TENM4: variants seen among roughly 807,000 people sequenced by gnomAD.
TENM4 encodes the protein teneurin-4.
A neutral mutation model predicts 243.3 loss-of-function variants in TENM4; 82 were observed. The ratio of observed to expected loss-of-function variants is 0.34; its 90% CI spans 0.28 to 0.40. The LOEUF (loss-of-function observed/expected upper bound fraction) is 0.40, where lower values mean the gene tolerates loss of function less well. Ranked by LOEUF, TENM4 falls within the 10% of genes least tolerant of loss-of-function variation. TENM4 has a pLI of 1.00. For missense variants in TENM4, 3,138 were observed against 3,673.3 expected (o/e 0.85, Z 3.77); for synonymous variants, 1,412 against 1,456.3 (o/e 0.97, Z 0.69).
chr11:79,227,035 C>T lies in TENM4; in HGVS notation c.-264-11126G>A, dbSNP rs141233387. Among the ~76,000 whole-genome samples, 961 of 152,312 alleles carry T rather than the reference C, an allele frequency of 6.3e-3. 11 individuals carry two copies. The highest frequency in any genetic ancestry group is 0.022 in the African/African-American group (929 of 41,564). Reference sequence around the variant, plus strand: ...TTTCTCAGGTTCCCTTGCTGACTGGCTTCCGGGTAGGTTGGGCTAAAGAAA... The same window carrying T: ...TTTCTCAGGTTCCCTTGCTGACTGGTTTCCGGGTAGGTTGGGCTAAAGAAA... On this transcript the variant is annotated intron_variant, in intron 2 of 33. Transcript: ENST00000278550.
chr11:78,741,694 C>G (rs1216795290), intron 19 of TENM4, among the ~76,000 whole-genome samples: 1 of 152,192 alleles, frequency 6.6e-6, no homozygotes, highest in African/African-American at 2.4e-5. Context: ...CTGGTTCAAG[C>G]TGGCTTCTGC....
At chr11:79,043,163 C>T (rs1859579580) in intron 6 of TENM4, among the ~76,000 whole-genome samples, 1 of 152,222 alleles carries the variant, frequency 6.6e-6, no homozygotes, top group Non-Finnish European at 1.5e-5. Context: ...TTGTTGGATT[C>T]CCTCAGCTGT....
At chr11:79,083,288 A>G (rs1860724131) in intron 4 of TENM4, among the ~76,000 whole-genome samples, 1 of 152,216 alleles carries the variant, frequency 6.6e-6, no homozygotes, top group African/African-American at 2.4e-5. Flanking sequence ...GCCTCCGTGC[A>G]TTCTGTCCCT....
chr11:78,789,770 C>G (rs1486502933), intron 15 of TENM4, among the ~76,000 whole-genome samples: 2 of 152,186 alleles, frequency 1.3e-5, no homozygotes, highest in Non-Finnish European at 2.9e-5. Flanking sequence ...AAGAGGCAGG[C>G]TTTTCCCCAC....
At chr11:79,167,881 T>C (rs552573117) in intron 3 of TENM4, among the ~76,000 whole-genome samples, 2 of 152,272 alleles carry the variant, frequency 1.3e-5, no homozygotes, top group Admixed American at 6.5e-5. Flanking sequence ...TGGATGCATG[T>C]AGAGATTTAA....
chr11:79,279,929 G>A (rs935001615), intron 2 of TENM4, among the ~76,000 whole-genome samples: 1 of 152,176 alleles, frequency 6.6e-6, no homozygotes, highest in Admixed American at 6.5e-5. Context: ...ATAGATTAGT[G>A]CCTTATAAAA....
chr11:78,855,648 C>G (rs1858663608), intron 11 of TENM4, among the ~76,000 whole-genome samples: 1 of 152,212 alleles, frequency 6.6e-6, no homozygotes, highest in South Asian at 2.1e-4. Flanking sequence ...AGGATTCAAA[C>G]TCAGATCTGT....
intron 4 of TENM4, among the ~76,000 whole-genome samples, chr11:79,130,716 G>T (rs920799301): frequency 6.6e-6 from 1 of 152,106 alleles, no homozygotes; most frequent in African/African-American, 2.4e-5. Context: ...CTAGCTACTT[G>T]GGAGGCTGAG....
Position 78,701,657 on chromosome 11 carries a change from C to T in TENM4, c.4956G>A (p.Val1652=). 1 of 1,613,974 alleles carries T rather than the reference C, an allele frequency of 6.2e-7. No individual in the cohort carries two copies. The highest frequency in any genetic ancestry group is 1.1e-5 in the South Asian group (1 of 91,046). ...TGAGTGCACTGTTGGTGCCCATGGT[C>T]ACCCAGTACACCTGGCCATCTGGGA... ...LVVPDGQVYW[V]TMGTNSALKS... Residue 1652 remains valine (V), a synonymous_variant, in exon 28 of 34, where the codon GTG becomes GTA. Coordinates refer to ENST00000278550, the MANE Select transcript of TENM4 (RefSeq NM_001098816.3).
At chr11:78,743,980 C>A (rs1265719979) in intron 19 of TENM4, among the ~76,000 whole-genome samples, 1 of 152,172 alleles carries the variant, frequency 6.6e-6, no homozygotes, top group African/African-American at 2.4e-5. Context: ...ATGTAAATCA[C>A]TCCTTTGCAT....
chr11:78,856,093 A>T lies in TENM4; in HGVS notation c.1341T>A (p.Pro447=). The change falls in exon 11 of 34, where the codon CCT becomes CCA. Residue 447 remains proline, a synonymous_variant. Coordinates refer to ENST00000278550, the MANE Select transcript of TENM4 (RefSeq NM_001098816.3). ...CTTGAGATCTCCAGAAAGTGCCAGG[A>T]GGAATCTTCTGGGAAGCTCGCCTTC... ...DVGRRASQKI[P]PGTFWRSQVF... 6.4e-7 allele frequency: 1 copy of T among 1,551,736 alleles called. No individual in the cohort carries two copies. Among genetic ancestry groups the T allele is most frequent in the East Asian group, 2.4e-5 (1 of 40,920 alleles).
intron 1 of TENM4, among the ~76,000 whole-genome samples, chr11:79,379,160 T>C (rs1857951357): frequency 6.6e-6 from 1 of 152,092 alleles, no homozygotes; most frequent in African/African-American, 2.4e-5. Context: ...GGTAGCAGCA[T>C]ATGCAAGGCC....
At chr11:78,716,925 G>C (rs1859533928) in intron 25 of TENM4, among the ~76,000 whole-genome samples, 1 of 152,196 alleles carries the variant, frequency 6.6e-6, no homozygotes, top group Non-Finnish European at 1.5e-5. Context: ...ATGTCTCAGA[G>C]CATGAGACGG....
chr11:79,247,229 C>T (rs1292650461), intron 2 of TENM4, among the ~76,000 whole-genome samples: 2 of 151,668 alleles, frequency 1.3e-5, no homozygotes, highest in Non-Finnish European at 2.9e-5. Flanking sequence ...CCAGCCTGGC[C>T]AACATGGTGA....
intron 6 of TENM4, among the ~76,000 whole-genome samples, chr11:78,944,039 C>T (rs1013726101): frequency 6.6e-6 from 1 of 152,178 alleles, no homozygotes; most frequent in Non-Finnish European, 1.5e-5. Context: ...GGCCATATGA[C>T]AGGCTAAAGA....
intron 6 of TENM4, among the ~76,000 whole-genome samples, chr11:79,008,302 C>T (rs1162755516): frequency 6.6e-5 from 10 of 152,156 alleles, no homozygotes. Context: ...CCTTAGCAGG[C>T]GGTCCCTGGT....
intron 6 of TENM4, among the ~76,000 whole-genome samples, chr11:78,948,234 T>C (rs987630920): frequency 3.9e-5 from 6 of 152,228 alleles, no homozygotes; most frequent in Admixed American, 3.9e-4. Context: ...TAGACTTCAG[T>C]ACACTTTATA....
At chr11:78,773,657 T>C (rs974456100) in intron 17 of TENM4, among the ~76,000 whole-genome samples, 11 of 152,202 alleles carry the variant, frequency 7.2e-5, no homozygotes, top group Admixed American at 7.2e-4. Flanking sequence ...TCTGCCGTTA[T>C]AGCTTGAAAG....
chr11:78,885,577 T>A (rs1464443457), intron 9 of TENM4, among the ~76,000 whole-genome samples: 1 of 152,200 alleles, frequency 6.6e-6, no homozygotes, highest in Non-Finnish European at 1.5e-5. Context: ...GTATCTGTAA[T>A]TGAAATGTCC....
Sources: allele counts gnomAD v4.1 joint callset (sites outside exome capture counted in the v4.1 genomes callset), GRCh38; gene constraint gnomAD v4.1.1; transcripts MANE v1.5; gene names NCBI Gene and HGNC (gene_info 2026-07-23, HGNC 2026-07-21).